Variants in CUX1 observed in about 807,000 individuals in gnomAD.
CUX1 encodes cut like homeobox 1.
In CUX1, 31 loss-of-function variants were observed where a neutral mutation model predicts 158.8. The observed-to-expected ratio is 0.20, with a 90% CI of 0.15 to 0.26. The LOEUF (loss-of-function observed/expected upper bound fraction) is 0.26. Among genes scored for constraint, CUX1 ranks in the 10% least tolerant of loss-of-function variants. CUX1 has a pLI of 1.00. For synonymous variants in CUX1, 879 were observed against 862.1 expected (o/e 1.02, Z -0.34); for missense variants, 1,589 against 2,014.6 (o/e 0.79, Z 4.04).
chr7:102,158,737 C>T (rs1790074768), intron 9 of CUX1, 129 bp downstream of exon 9: 16 of 795,600 alleles, frequency 2.0e-5, no homozygotes, highest in Non-Finnish European at 2.7e-5. Flanking sequence ...CTTTCAACGT[C>T]GATGCTCCTT....
chr7:102,093,172 T>TTC (rs1221982965), intron 4 of CUX1, among the ~76,000 whole-genome samples: 1 of 139,710 alleles, frequency 7.2e-6, no homozygotes, highest in Non-Finnish European at 1.6e-5. Context: ...TTTTTTTTTT[T>TTC]TCTGAGACAG....
At chr7:102,102,963 TGCCCCAG>T (rs1554486998) in intron 5 of CUX1, among the ~76,000 whole-genome samples, 2 of 152,162 alleles carry the variant, frequency 1.3e-5, no homozygotes, top group Non-Finnish European at 2.9e-5. Context: ...GTAGTTGTCC[TGCCCCAG>T]AGCCACCCAC....
At position 102,263,701 on chromosome 7, in the gene CUX1, C is replaced by CT. The variant is rs1188599297; in HGVS notation, c.1256-9656dup. ...TCTGTTTAATTTATTATCTTTTTCT[C>CT]TTTTTTTTTGAGACAGGGTCTCACT... On this transcript the variant is annotated intron_variant, in intron 14 of 22. Coordinates refer to the CUX1 transcript ENST00000292538. Among the ~76,000 whole-genome samples, 34 of 150,680 alleles carry CT rather than the reference C, an allele frequency of 2.3e-4. No individual in the cohort carries two copies. In the East Asian group the frequency reaches 3.5e-3, roughly 16 times the overall value.
intron 4 of CUX1, among the ~76,000 whole-genome samples, chr7:102,094,654 A>G (rs546139302): frequency 6.6e-6 from 1 of 152,340 alleles, no homozygotes; most frequent in Admixed American, 6.5e-5. Flanking sequence ...TTCTTTAAAG[A>G]TATAATTTGC....
At chr7:101,837,425 A>G (rs549075038) in intron 1 of CUX1, among the ~76,000 whole-genome samples, 7 of 152,308 alleles carry the variant, frequency 4.6e-5, no homozygotes, top group African/African-American at 1.4e-4. Context: ...GTCAACTCAG[A>G]TGAGTGAATC....
chr7:102,278,133 G>C (rs1470999600), intron 18 of CUX1: 10 of 1,187,720 alleles, frequency 8.4e-6, no homozygotes, highest in African/African-American at 3.0e-5. Context: ...CAGGGCTCTG[G>C]AGATGGGAGG....
intron 3 of CUX1, among the ~76,000 whole-genome samples, chr7:102,038,246 G>A (rs1183752927): frequency 6.6e-6 from 1 of 152,180 alleles, no homozygotes; most frequent in African/African-American, 2.4e-5. Flanking sequence ...ATACTGTCTA[G>A]GGCTGTGCAT....
At chr7:102,047,663 C>G (rs985498472) in intron 3 of CUX1, among the ~76,000 whole-genome samples, 16 of 152,080 alleles carry the variant, frequency 1.1e-4, no homozygotes, top group Non-Finnish European at 2.4e-4. Context: ...TACTCATTTT[C>G]GTCTCCTGGA....
chr7:102,167,669 G>A (rs1791200987), intron 9 of CUX1, among the ~76,000 whole-genome samples: 1 of 152,212 alleles, frequency 6.6e-6, no homozygotes. Flanking sequence ...TGACCAGCAA[G>A]GGAGGCGTAA....
intron 2 of CUX1, among the ~76,000 whole-genome samples, chr7:101,984,469 T>C (rs992000297): frequency 6.6e-6 from 1 of 150,634 alleles, no homozygotes; most frequent in Admixed American, 6.7e-5. Flanking sequence ...GTAGATTTCA[T>C]TTTTGAACGC....
In CUX1 at chr7:102,245,336, A is replaced by G. The variant is rs182987467; in HGVS notation, c.3888-3076A>G. ...TGGGATTATAGGCATGAGTCCCTGC[A>G]CCCGGCCTGAGCAGACAGTTTTATA... On this transcript the variant is annotated intron_variant, in intron 23 of 23. Coordinates refer to ENST00000292535, the MANE Select transcript of CUX1 (RefSeq NM_181552.4). 5.2e-4 allele frequency among the ~76,000 whole-genome samples: 79 copies of G among 152,272 alleles called. 1 individual carries two copies. The highest frequency in any genetic ancestry group is 3.4e-3 in the Middle Eastern group (1 of 294).
chr7:102,223,901 G>A (rs140892582), intron 20 of CUX1, among the ~76,000 whole-genome samples: 20 of 152,198 alleles, frequency 1.3e-4, no homozygotes, highest in African/African-American at 4.3e-4. Flanking sequence ...CCCGGGAGGC[G>A]GAAGTTGCAG....
chr7:102,277,520 C>T (rs951157499), intron 17 of CUX1, among the ~76,000 whole-genome samples: 4 of 151,886 alleles, frequency 2.6e-5, no homozygotes, highest in African/African-American at 7.3e-5. Flanking sequence ...CGCTTGAACC[C>T]GGGAGGCAGA....
At position 101,914,420 on chromosome 7, in the gene CUX1, C is replaced by T. The variant is rs919440397; in HGVS notation, c.31-1695C>T. ...TTTCCCTCCCTCCCTCCCTCTTTCC[C>T]TCCCTCCCTCCGTCCTTCCCTCCCT... On this transcript the variant is annotated intron_variant, in intron 1 of 23. Transcript: ENST00000292535. Among the ~76,000 whole-genome samples the T allele has an allele frequency of 1.2e-3, 156 of 128,290 alleles. 1 individual carries two copies. Among genetic ancestry groups the T allele is most frequent in the African/African-American group, 4.1e-3 (142 of 34,674 alleles). The allele number at this position is 128,290 out of a possible 152,430, so 84.2% of individuals were successfully genotyped here.
chr7:102,120,251 G>C (rs117089525), intron 8 of CUX1, among the ~76,000 whole-genome samples: 1 of 152,180 alleles, frequency 6.6e-6, no homozygotes, highest in Non-Finnish European at 1.5e-5. Context: ...TGAAGTCCAC[G>C]ATCCTATGCC....
chr7:101,922,654 G>T (rs1805087492), intron 2 of CUX1, among the ~76,000 whole-genome samples: 1 of 152,162 alleles, frequency 6.6e-6, no homozygotes, highest in Non-Finnish European at 1.5e-5. Context: ...GGTGGAAGGG[G>T]ATGAAGGAGG....
chr7:102,179,309 A>G (rs1792765211), intron 11 of CUX1, among the ~76,000 whole-genome samples: 2 of 152,194 alleles, frequency 1.3e-5, no homozygotes, highest in Non-Finnish European at 1.5e-5. Context: ...CAGGTTGCCA[A>G]AGTGCTGAGA....
intron 3 of CUX1, among the ~76,000 whole-genome samples, chr7:102,060,900 C>CCG (rs1563190652): frequency 1.4e-5 from 2 of 147,910 alleles, no homozygotes; most frequent in African/African-American, 5.1e-5. Context: ...GTGTGAACCA[C>CCG]CGCGCCTGGC....
chr7:102,248,629 C>G lies in CUX1; in HGVS notation c.4105C>G (p.Pro1369Ala), dbSNP rs1416018126. The change falls in exon 24 of 24, where the codon CCG becomes GCG. Residue 1369 changes from proline to alanine, a missense_variant. This residue lies in a region of CUX1 where 344 missense variants were observed against 323.7 expected (regional missense o/e 1.06). Transcript: ENST00000292535. The surrounding 1 kb of genome is among the most constrained non-coding windows in gnomAD (Gnocchi z 5.8). ...GGCCGAGCGGGAGGAGGTGCCGCGG[C>G]CGGCGGAGCAGACGGAGCCGCCGCC... ...GEAEREEVPR[P>A]AEQTEPPPSG... 1.1e-5 allele frequency: 15 copies of G among 1,417,648 alleles called. No homozygotes were observed. Among genetic ancestry groups the G allele is most frequent in the Non-Finnish European group, 1.4e-5 (15 of 1,090,480 alleles). The allele number at this position is 1,417,648 out of a possible 1,614,324, so 87.8% of individuals were successfully genotyped here.
Sources: gnomAD v4.1 joint callset for allele counts (sites outside exome capture counted in the v4.1 genomes callset) on GRCh38, gnomAD v4.1.1 for gene constraint, gnomAD v4.1.1 regional missense constraint, Gnocchi (gnomAD v3.1) non-coding constraint, MANE v1.5 for transcripts, NCBI Gene and HGNC (gene_info 2026-07-23, HGNC 2026-07-21) for gene names.